The following SLC10A7 variants were observed in gnomAD, a reference collection of about 807,000 sequenced individuals.
The protein encoded by SLC10A7 is sodium/bile acid cotransporter 7.
A neutral mutation model predicts 43.2 loss-of-function variants in SLC10A7; 29 were observed. That is an observed-to-expected ratio of 0.67 (90% CI 0.50 to 0.92). The LOEUF (loss-of-function observed/expected upper bound fraction) is 0.92. Among genes scored for constraint, SLC10A7 ranks in the 40% least tolerant of loss-of-function variants. The probability of loss-of-function intolerance (pLI) is 0.00; values close to 1 mark genes in which losing one functional copy is unlikely to be tolerated. For missense variants in SLC10A7, 295 were observed against 403.2 expected, an observed-to-expected ratio of 0.73 and a Z score of 2.30; for synonymous variants, 152 against 144.8, an observed-to-expected ratio of 1.05 and a Z score of -0.35.
chr4:146,343,086 C>A (rs1311233119), intron 5 of SLC10A7, among the ~76,000 whole-genome samples: 1 of 151,870 alleles, frequency 6.6e-6, no homozygotes, highest in African/African-American at 2.4e-5. Context: ...CTATTATTTT[C>A]ATTTACCTTT....
chr4:146,265,017 G>A (rs1443070422), intron 10 of SLC10A7, among the ~76,000 whole-genome samples: 2 of 152,120 alleles, frequency 1.3e-5, no homozygotes, highest in African/African-American at 4.8e-5. Flanking sequence ...CTGCTCAAGA[G>A]CTCCAATGAC....
At chr4:146,274,689 T>C (rs1366751967) in intron 10 of SLC10A7, among the ~76,000 whole-genome samples, 2 of 152,126 alleles carry the variant, frequency 1.3e-5, no homozygotes, top group Non-Finnish European at 2.9e-5. Context: ...CACAATATCA[T>C]ATATTGAAAC....
chr4:146,299,134 G>A (rs552846142), intron 7 of SLC10A7, among the ~76,000 whole-genome samples: 1 of 152,282 alleles, frequency 6.6e-6, no homozygotes, highest in South Asian at 2.1e-4. Context: ...TGTTTAACCA[G>A]TAATGATAAA....
At chr4:146,412,417 G>C (rs957225606) in intron 5 of SLC10A7, among the ~76,000 whole-genome samples, 2 of 152,080 alleles carry the variant, frequency 1.3e-5, no homozygotes, top group African/African-American at 4.8e-5. Flanking sequence ...TAACTGTAAT[G>C]ACTGATAACA....
At chr4:146,471,337 T>C (rs887311479) in intron 4 of SLC10A7, among the ~76,000 whole-genome samples, 2 of 152,232 alleles carry the variant, frequency 1.3e-5, no homozygotes, top group African/African-American at 2.4e-5. Flanking sequence ...TCTAGAACAC[T>C]GGACCAACTG....
At chr4:146,281,067 G>A (rs1368220834) in intron 10 of SLC10A7, among the ~76,000 whole-genome samples, 1 of 152,122 alleles carries the variant, frequency 6.6e-6, no homozygotes, top group East Asian at 1.9e-4. Flanking sequence ...AAAGCAAACA[G>A]AAATCCAATT....
In SLC10A7 at chr4:146,335,824, T is replaced by C. The variant is rs1325718397; in HGVS notation, c.436-9828A>G. Among the ~76,000 whole-genome samples the C allele has an allele frequency of 3.3e-5, 5 of 152,078 alleles. No individual in the cohort carries two copies. In the South Asian group the frequency reaches 6.2e-4, roughly 19 times the overall value. ...AAGATTCTAACCAACTGAAGTGACT[T>C]CTAACTCATAATTTATTTACTCTCT... On this transcript the variant is annotated intron_variant, in intron 5 of 11. Coordinates refer to ENST00000335472, the MANE Select transcript of SLC10A7 (RefSeq NM_001029998.6).
At chr4:146,371,540 A>G (rs970021596) in intron 5 of SLC10A7, among the ~76,000 whole-genome samples, 1 of 152,202 alleles carries the variant, frequency 6.6e-6, no homozygotes, top group Non-Finnish European at 1.5e-5. Flanking sequence ...TGAGAAAAGG[A>G]ACGGAGTTCT....
intron 4 of SLC10A7, among the ~76,000 whole-genome samples, chr4:146,477,461 C>T (rs1471986409): frequency 6.6e-6 from 1 of 152,192 alleles, no homozygotes; most frequent in Non-Finnish European, 1.5e-5. Context: ...TTTTACTCAT[C>T]CCTTGCATAA....
intron 10 of SLC10A7, among the ~76,000 whole-genome samples, chr4:146,263,137 C>CCCA (rs1265233445): frequency 6.6e-6 from 1 of 152,236 alleles, no homozygotes; most frequent in East Asian, 1.9e-4. Context: ...TCATGACCCA[C>CCCA]CCAACTCCTC....
chr4:146,296,849 T>C lies in SLC10A7; in HGVS notation c.556-2754A>G, dbSNP rs1182097927. 2.0e-5 allele frequency among the ~76,000 whole-genome samples: 3 copies of C among 152,162 alleles called. No homozygotes were observed. In the East Asian group the frequency reaches 5.8e-4, roughly 29 times the overall value. On this transcript the variant is annotated intron_variant, in intron 7 of 11. Coordinates refer to ENST00000335472, the MANE Select transcript of SLC10A7 (RefSeq NM_001029998.6). ...ATGCCTCAAAGATATGCTTTGGATA[T>C]AAACTCCAGGAAACTTTATCTTCTC...
chr4:146,465,855 A>G (rs1415450829), intron 4 of SLC10A7, among the ~76,000 whole-genome samples: 1 of 152,200 alleles, frequency 6.6e-6, no homozygotes, highest in Admixed American at 6.5e-5. Flanking sequence ...AGATTCTTCA[A>G]GAATACAAAT....
Position 146,294,093 on chromosome 4 carries a change from A to G in SLC10A7, c.558T>C (p.Ile186=). ...TVVVPLIIGQ[I]VRRYIKDWLE... is the part of the protein sequence containing the mutation. ...GCCAATCCTTGATGTATCTTCGGAC[A>G]ATCTGAAATACAGAGATCAACAGGT... Residue 186 remains isoleucine, a splice_region_variant and synonymous_variant, in exon 8 of 12, where the codon ATT becomes ATC. Coordinates refer to ENST00000335472, the MANE Select transcript of SLC10A7 (RefSeq NM_001029998.6). 1 of 1,593,214 alleles carries G rather than the reference A, an allele frequency of 6.3e-7. No individual in the cohort carries two copies. The highest frequency in any genetic ancestry group is 8.6e-7 in the Non-Finnish European group (1 of 1,167,136).
chr4:146,349,658 A>G (rs936002782), intron 5 of SLC10A7, among the ~76,000 whole-genome samples: 5 of 152,230 alleles, frequency 3.3e-5, no homozygotes, highest in African/African-American at 9.6e-5. Context: ...GTACTTATAT[A>G]CTATAGAATA....
intron 1 of SLC10A7, among the ~76,000 whole-genome samples, chr4:146,517,770 G>A (rs910411069): frequency 3.3e-5 from 5 of 151,888 alleles, no homozygotes; most frequent in East Asian, 1.9e-4. Flanking sequence ...AAATACCCCC[G>A]AGCCCAAAGA....
chr4:146,469,106 C>T (rs1490062102), intron 4 of SLC10A7, among the ~76,000 whole-genome samples: 2 of 152,128 alleles, frequency 1.3e-5, no homozygotes, highest in South Asian at 4.1e-4. Context: ...ACTGGAGAGG[C>T]TAATGGCTTC....
chr4:146,325,718 G>T (rs1733056704), intron 6 of SLC10A7, among the ~76,000 whole-genome samples: 1 of 152,290 alleles, frequency 6.6e-6, no homozygotes, highest in African/African-American at 2.4e-5. Context: ...TCATTTATTT[G>T]TAATATAATG....
intron 5 of SLC10A7, among the ~76,000 whole-genome samples, chr4:146,426,560 C>T (rs1729368087): frequency 1.3e-5 from 2 of 152,074 alleles, no homozygotes; most frequent in South Asian, 4.1e-4. Flanking sequence ...AAAACTTTTC[C>T]TTCTAGTTTG....
chr4:146,500,480 C>T (rs148308574), intron 4 of SLC10A7, among the ~76,000 whole-genome samples: 61 of 152,262 alleles, frequency 4.0e-4, no homozygotes, highest in African/African-American at 1.4e-3. Context: ...ACATCCATAT[C>T]CACACACTCT....
Sources: allele counts gnomAD v4.1 joint callset (sites outside exome capture counted in the v4.1 genomes callset), GRCh38; gene constraint gnomAD v4.1.1; transcripts MANE v1.5; gene names NCBI Gene and HGNC (gene_info 2026-07-23, HGNC 2026-07-21).